Variants in CELF2 observed in about 807,000 individuals in gnomAD.
CELF2 encodes the protein CUG triplet repeat RNA-binding protein 2.
In CELF2, 8 loss-of-function variants were observed where a neutral mutation model predicts 62.6. That is an observed-to-expected ratio of 0.13 (90% CI 0.07 to 0.23). The LOEUF is 0.23. Ranked by LOEUF, CELF2 falls within the 10% of genes least tolerant of loss-of-function variation. The pLI is 1.00. For synonymous variants in CELF2, 258 were observed against 250.0 expected (o/e 1.03, Z -0.30); for missense variants, 333 against 671.0 (o/e 0.50, Z 5.56).
At chr10:10,870,678 G>A (rs1443288837) in intron 1 of CELF2, among the ~76,000 whole-genome samples, 6 of 152,146 alleles carry the variant, frequency 3.9e-5, no homozygotes, top group Non-Finnish European at 8.8e-5. Context: ...ACATTCTTGA[G>A]TTTCTTCTTA....
rs2095171876 is a variant in CELF2, at chr10:11,318,124, C to T, written c.1097-3065C>T. Reference sequence around the variant, plus strand: ...TGTCTTTGATAGAATTAATCTAGAACAACATCAGGTGACTCACAGGAACTG... The same window carrying T: ...TGTCTTTGATAGAATTAATCTAGAATAACATCAGGTGACTCACAGGAACTG... On this transcript the variant is annotated intron_variant, in intron 10 of 12. Transcript: ENST00000633077. The surrounding 1 kb of genome is among the most constrained non-coding windows in gnomAD (Gnocchi z 5.4). The T allele has an allele frequency of 6.6e-6, 1 of 152,484 alleles. No homozygotes were observed. Among genetic ancestry groups the T allele is most frequent in the Non-Finnish European group, 1.5e-5 (1 of 68,292 alleles). 9.4% of individuals were successfully genotyped at this position (152,484 alleles called of 1,614,324 possible).
At chr10:10,496,300 T>A in the CELF2 span, among the ~76,000 whole-genome samples, 1 of 152,220 alleles carries the variant, frequency 6.6e-6, no homozygotes, top group Non-Finnish European at 1.5e-5. Flanking sequence ...CTTTTAGATA[T>A]CTCTCACATT....
intron 2 of CELF2, among the ~76,000 whole-genome samples, chr10:10,976,525 T>A (rs1234695207): frequency 6.6e-6 from 1 of 152,188 alleles, no homozygotes; most frequent in Non-Finnish European, 1.5e-5. Flanking sequence ...ATGCCTTTAG[T>A]TTCAGAGGGA....
intron 3 of CELF2, among the ~76,000 whole-genome samples, chr10:11,240,202 A>C (rs2073313833): frequency 6.6e-6 from 1 of 152,222 alleles, no homozygotes; most frequent in Admixed American, 6.5e-5. Context: ...TTTTTTCCCG[A>C]ATTTCCAAAG....
chr10:10,965,442 T>C (rs2050022396), intron 2 of CELF2, among the ~76,000 whole-genome samples: 1 of 152,184 alleles, frequency 6.6e-6, no homozygotes, highest in Non-Finnish European at 1.5e-5. Context: ...GTAGATACAT[T>C]CGATCCCAAA....
At chr10:10,771,663 C>T in the CELF2 span, among the ~76,000 whole-genome samples, 2 of 152,220 alleles carry the variant, frequency 1.3e-5, no homozygotes, top group Non-Finnish European at 2.9e-5. Flanking sequence ...TTTGCATCTT[C>T]CTCATTCTGT....
At chr10:10,956,044 G>A (rs987764567) in intron 2 of CELF2, among the ~76,000 whole-genome samples, 1 of 152,194 alleles carries the variant, frequency 6.6e-6, no homozygotes, top group Admixed American at 6.5e-5. Flanking sequence ...ACAAAGAAAT[G>A]GAGAAGAAAG....
the CELF2 span, among the ~76,000 whole-genome samples, chr10:10,488,230 T>C: frequency 6.6e-6 from 1 of 152,156 alleles, no homozygotes; most frequent in East Asian, 1.9e-4. Context: ...CCAATCCTTA[T>C]TTGGAAATCA....
At chr10:11,322,630 T>A (rs2095500419) in intron 11 of CELF2, among the ~76,000 whole-genome samples, 1 of 138,914 alleles carries the variant, frequency 7.2e-6, no homozygotes, top group Non-Finnish European at 1.6e-5. Context: ...GCTTAAAAGA[T>A]ACTCATGGTT....
At chr10:10,896,405 G>A (rs1023973546) in intron 1 of CELF2, among the ~76,000 whole-genome samples, 3 of 152,130 alleles carry the variant, frequency 2.0e-5, no homozygotes, top group African/African-American at 4.8e-5. Context: ...CATGTGTACT[G>A]GGTTGAATAG....
At chr10:11,307,586 C>T (rs2094319221) in intron 9 of CELF2, among the ~76,000 whole-genome samples, 1 of 152,180 alleles carries the variant, frequency 6.6e-6, no homozygotes, top group African/African-American at 2.4e-5. Context: ...ATTATTTAAT[C>T]TTTACAATAA....
At chr10:10,689,323 A>G in the CELF2 span, among the ~76,000 whole-genome samples, 1 of 152,162 alleles carries the variant, frequency 6.6e-6, no homozygotes, top group Non-Finnish European at 1.5e-5. Flanking sequence ...TTAAACCATC[A>G]GATCTCATGA....
the CELF2 span, among the ~76,000 whole-genome samples, chr10:10,648,910 TAC>T: frequency 6.6e-6 from 1 of 152,204 alleles, no homozygotes; most frequent in Non-Finnish European, 1.5e-5. Context: ...GCGCACCGCT[TAC>T]AGATGATGCT....
At chr10:11,111,410 T>A (rs1470306938) in intron 1 of CELF2, among the ~76,000 whole-genome samples, 2 of 152,204 alleles carry the variant, frequency 1.3e-5, no homozygotes, top group Non-Finnish European at 2.9e-5. Context: ...TTAAAAATGA[T>A]TCATAAGAAA....
intron 1 of CELF2, among the ~76,000 whole-genome samples, chr10:11,093,766 GTAA>G (rs1158530624): frequency 6.6e-6 from 1 of 152,164 alleles, no homozygotes; most frequent in Non-Finnish European, 1.5e-5. Flanking sequence ...AATTGTCTAT[GTAA>G]TCTCAGCTTA....
chr10:10,989,553 C>T (rs1358439591), intron 2 of CELF2, among the ~76,000 whole-genome samples: 4 of 151,772 alleles, frequency 2.6e-5, no homozygotes, highest in Non-Finnish European at 4.4e-5. Context: ...CAAAATACAT[C>T]GTGAATGGAT....
At chr10:10,583,085 CAT>C in the CELF2 span, among the ~76,000 whole-genome samples, 1 of 152,108 alleles carries the variant, frequency 6.6e-6, no homozygotes, top group African/African-American at 2.4e-5. Flanking sequence ...AGAAGAAAGA[CAT>C]AGGGGATAAT....
chr10:11,275,267 A>G (rs2085591210), intron 8 of CELF2, 147 bp downstream of exon 8: 1 of 824,190 alleles, frequency 1.2e-6, no homozygotes, highest in Non-Finnish European at 2.0e-6. Context: ...TAACGTTGGA[A>G]CCGCCTGCTC....
At chr10:11,057,689 A>G (rs763136596) in intron 1 of CELF2, among the ~76,000 whole-genome samples, 1 of 152,206 alleles carries the variant, frequency 6.6e-6, no homozygotes, top group African/African-American at 2.4e-5. Context: ...CTTTTTAAGC[A>G]TAAGGATGTA....
Sources: allele counts gnomAD v4.1 joint callset (sites outside exome capture counted in the v4.1 genomes callset), GRCh38; gene constraint gnomAD v4.1.1; non-coding constraint Gnocchi (gnomAD v3.1); transcripts MANE v1.5; gene names NCBI Gene and HGNC (gene_info 2026-07-23, HGNC 2026-07-21).